PSD3: variants seen among roughly 807,000 people sequenced by gnomAD.
PSD3 encodes PH and SEC7 domain-containing protein 3.
In PSD3, 49 loss-of-function variants were observed where a neutral mutation model predicts 105.5. That is an observed-to-expected ratio of 0.46 (90% CI 0.37 to 0.59). PSD3 has a LOEUF of 0.59. PSD3 is among the 20% of genes least tolerant of loss of function. The probability of loss-of-function intolerance (pLI) is 0.00; values close to 1 mark genes in which losing one functional copy is unlikely to be tolerated. For synonymous variants in PSD3, 557 were observed against 457.8 expected (o/e 1.22, Z -2.77); for missense variants, 1,561 against 1,263.8 (o/e 1.24, Z -3.57).
At chr8:18,917,654 TTATTACAGC>T (rs1417022094) in intron 2 of PSD3, among the ~76,000 whole-genome samples, 1 of 152,178 alleles carries the variant, frequency 6.6e-6, no homozygotes, top group African/African-American at 2.4e-5. Flanking sequence ...CCATATCCTT[TTATTACAGC>T]TAGTGCATGC....
At chr8:18,762,145 G>A (rs542290994) in intron 9 of PSD3, among the ~76,000 whole-genome samples, 31 of 152,274 alleles carry the variant, frequency 2.0e-4, no homozygotes, top group Non-Finnish European at 2.4e-4. Flanking sequence ...CTGTTGGGAG[G>A]TGATTGGATC....
chr8:18,908,764 C>T (rs1014379425), intron 2 of PSD3, among the ~76,000 whole-genome samples: 4 of 152,178 alleles, frequency 2.6e-5, no homozygotes, highest in African/African-American at 9.7e-5. Context: ...AGTTCATTAT[C>T]TCCTTATAAG....
At chr8:19,046,681 A>G (rs1828331245) in intron 1 of PSD3, among the ~76,000 whole-genome samples, 1 of 152,212 alleles carries the variant, frequency 6.6e-6, no homozygotes, top group Non-Finnish European at 1.5e-5. Context: ...GAGTTGATGC[A>G]ATGTTGGATT....
At chr8:18,595,447 A>AGG in intron 12 of PSD3, among the ~76,000 whole-genome samples, 1 of 150,830 alleles carries the variant, frequency 6.6e-6, no homozygotes, top group Non-Finnish European at 1.5e-5. Flanking sequence ...ATTGAGAGAG[A>AGG]GAGAGACAGA....
intron 12 of PSD3, among the ~76,000 whole-genome samples, chr8:18,599,667 C>T (rs919421772): frequency 1.3e-5 from 2 of 152,080 alleles, no homozygotes; most frequent in Non-Finnish European, 2.9e-5. Context: ...AATATGCAGA[C>T]TGTTTTCCAT....
intron 9 of PSD3, among the ~76,000 whole-genome samples, chr8:18,764,267 T>C (rs1675368299): frequency 6.6e-6 from 1 of 152,192 alleles, no homozygotes; most frequent in Admixed American, 6.5e-5. Flanking sequence ...AAAAAAGTCT[T>C]GTTAACACCA....
exon 1 of PSD3, chr8:19,084,309 G>C (rs1346966740): frequency 2.2e-6 from 1 of 456,298 alleles, no homozygotes; most frequent in East Asian, 6.9e-5. Context: ...TGTGGTACCT[G>C]TGGCCTCCTT....
At position 18,530,609 on chromosome 8, in the gene PSD3, T is replaced by A. The variant is rs899321247; in HGVS notation, c.*5134A>T. On this transcript the variant is annotated 3_prime_UTR_variant, in exon 16 of 16. Coordinates refer to ENST00000327040, the MANE Select transcript of PSD3 (RefSeq NM_015310.4). ...GAACGTGTGCTTTAAAGCATCACAT[T>A]TTGTAATAAGCCCAAAATTGTCAGT... The A allele has an allele frequency of 6.6e-6, 1 of 152,610 alleles. No homozygotes were observed. Among genetic ancestry groups the A allele is most frequent in the Non-Finnish European group, 1.5e-5 (1 of 68,036 alleles). The allele number at this position is 152,610 out of a possible 1,614,324, so 9.5% of individuals were successfully genotyped here.
chr8:18,677,867 A>G lies in PSD3; in HGVS notation c.2173-22182T>C, dbSNP rs556857339. Among the ~76,000 whole-genome samples, 310 of 152,106 alleles carry G rather than the reference A, an allele frequency of 2.0e-3. 6 individuals carry two copies. The highest frequency in any genetic ancestry group is 0.013 in the South Asian group (64 of 4,814). On this transcript the variant is annotated intron_variant, in intron 9 of 15. Transcript: ENST00000327040. ...CTACTAAAAATACAAAAAATTAGCC[A>G]GGCGTGGTGGCGGGTGCCTGTAGTC...
At chr8:18,835,281 C>T (rs1423051415) in intron 4 of PSD3, among the ~76,000 whole-genome samples, 1 of 151,984 alleles carries the variant, frequency 6.6e-6, no homozygotes, top group Non-Finnish European at 1.5e-5. Context: ...ATAATAAGAC[C>T]ACAAAAGAAA....
chr8:18,551,939 C>T (rs1218633567), intron 15 of PSD3, among the ~76,000 whole-genome samples: 1 of 152,130 alleles, frequency 6.6e-6, no homozygotes, highest in Non-Finnish European at 1.5e-5. Context: ...CTTCAGGGAC[C>T]AGAGCAATGA....
intron 2 of PSD3, among the ~76,000 whole-genome samples, chr8:18,903,717 T>G (rs1367325379): frequency 6.6e-6 from 1 of 152,180 alleles, no homozygotes; most frequent in African/African-American, 2.4e-5. Flanking sequence ...GGGCCTTGAC[T>G]GTTCTGGATG....
chr8:19,056,061 T>A (rs1487826032), intron 1 of PSD3, among the ~76,000 whole-genome samples: 1 of 152,262 alleles, frequency 6.6e-6, no homozygotes, highest in South Asian at 2.1e-4. Context: ...CTCCTTAGTG[T>A]TAAATACTCT....
chr8:18,537,867 G>T (rs918128563), intron 15 of PSD3, among the ~76,000 whole-genome samples: 1 of 152,152 alleles, frequency 6.6e-6, no homozygotes, highest in Non-Finnish European at 1.5e-5. Context: ...AGTAGAGATG[G>T]GGTTTCGCCA....
chr8:18,564,113 T>TC (rs201456764), intron 14 of PSD3, among the ~76,000 whole-genome samples: 1 of 56,628 alleles, frequency 1.8e-5, no homozygotes, highest in East Asian at 8.0e-4. Context: ...TTCTTCTTCT[T>TC]TTTTTTTTTT....
In PSD3 at chr8:18,529,409, C is replaced by G. The variant is rs1204160783; in HGVS notation, c.*6334G>C. 1 of 152,308 alleles carries G rather than the reference C, an allele frequency of 6.6e-6. No homozygotes were observed. The highest frequency in any genetic ancestry group is 2.4e-5 in the African/African-American group (1 of 41,408). The allele number at this position is 152,308 out of a possible 1,614,324, so 9.4% of individuals were successfully genotyped here. A position where few individuals can be genotyped will look rare whatever the true frequency, so the allele number is the denominator to read the frequency against. ...ATGTTTGTATAACTTAAAACATTCA[C>G]TGTGTGTGCATGTGTGCAAGCATGT... On this transcript the variant is annotated 3_prime_UTR_variant, in exon 16 of 16. Transcript: ENST00000327040.
intron 11 of PSD3, among the ~76,000 whole-genome samples, chr8:18,611,900 C>A (rs1409747852): frequency 6.6e-6 from 1 of 152,160 alleles, no homozygotes; most frequent in Admixed American, 6.5e-5. Context: ...GACTAAAAGG[C>A]AGCAGGGAAG....
intron 1 of PSD3, among the ~76,000 whole-genome samples, chr8:19,067,092 G>T (rs1364115789): frequency 6.6e-6 from 1 of 152,202 alleles, no homozygotes; most frequent in Non-Finnish European, 1.5e-5. Flanking sequence ...AAAGATGCAA[G>T]ACTGATGAGT....
At chr8:19,017,129 T>C (rs1405612896), upstream of PSD3, among the ~76,000 whole-genome samples, 1 of 149,408 alleles carries the variant, frequency 6.7e-6, no homozygotes. Context: ...CACAGCTCAC[T>C]GCAGCCTCTA....
Sources: gnomAD v4.1 joint callset for allele counts (sites outside exome capture counted in the v4.1 genomes callset) on GRCh38, gnomAD v4.1.1 for gene constraint, MANE v1.5 for transcripts, NCBI Gene and HGNC (gene_info 2026-07-23, HGNC 2026-07-21) for gene names.